Variants in PAN2 observed in about 807,000 individuals in gnomAD.
PAN2 encodes the protein PAN2-PAN3 deadenylation complex catalytic subunit PAN2.
In PAN2, 68 loss-of-function variants were observed where a neutral mutation model predicts 133.3. The observed-to-expected ratio is 0.51, with a 90% CI of 0.42 to 0.62. PAN2 has a LOEUF of 0.62. PAN2 is among the 20% of genes least tolerant of loss of function. PAN2 has a pLI of 0.00. For synonymous variants in PAN2, 462 were observed against 544.6 expected (o/e 0.85, Z 2.11); for missense variants, 1,042 against 1,500.5 (o/e 0.69, Z 5.05).
Position 56,319,263 on chromosome 12 carries a change from G to A in PAN2, c.3270+45C>T, listed in dbSNP as rs1243442414. On this transcript the variant is annotated intron_variant, in intron 23 of 25. Coordinates refer to ENST00000440411, the MANE Select transcript of PAN2 (RefSeq NM_014871.6). This position sits in a 1 kb window ranked among gnomAD's most constrained non-coding sequence, Gnocchi z 5.4. The stretch of plus-strand genomic sequence containing the variant: ...TCTAAAGGCACAATGTATACCCTGA[G>A]GGGCCCACTCTCACAAGAAGACTCT... The A allele has an allele frequency of 1.2e-6, 2 of 1,612,224 alleles. No individual in the cohort carries two copies. Among genetic ancestry groups the A allele is most frequent in the South Asian group, 1.1e-5 (1 of 90,978 alleles).
chr12:56,328,260 T>C lies in PAN2; in HGVS notation c.551A>G (p.Asn184Ser), dbSNP rs768399929. The part of the protein sequence containing the change: ...LQNHIIEIDL[N>S]TVQETQKYAV... ...TACCTTCTGAGTCTCCTGGACAGTG[T>C]TAAGATCAATCTCTATTATGTGATT... The change falls in exon 4 of 26, where the codon AAC becomes AGC. Residue 184 changes from asparagine to serine, a missense_variant. Around this residue, in one of 3 missense-constraint regions of PAN2, gnomAD observed 908 missense variants for 1,223.5 expected, o/e 0.74. Coordinates refer to ENST00000440411, the MANE Select transcript of PAN2 (RefSeq NM_014871.6). 43 of 1,604,416 alleles carry C rather than the reference T, an allele frequency of 2.7e-5. No individual in the cohort carries two copies. The highest frequency in any genetic ancestry group is 3.6e-5 in the Non-Finnish European group (42 of 1,175,002).
intron 2 of PAN2, among the ~76,000 whole-genome samples, chr12:56,330,353 C>A: frequency 1.1e-5 from 1 of 92,646 alleles, no homozygotes; most frequent in African/African-American, 4.3e-5. Context: ...CTGTATTTTT[C>A]TTTTTTTTTT....
In PAN2 at chr12:56,328,617, G is replaced by C. The variant is rs1304312959; in HGVS notation, c.307C>G (p.Pro103Ala). The C allele has an allele frequency of 6.2e-7, 1 of 1,613,758 alleles. No homozygotes were observed. Among genetic ancestry groups the C allele is most frequent in the Non-Finnish European group, 8.5e-7 (1 of 1,179,926 alleles). ...HGGHATSFFG[P>A]ALERYSSFQV... ...AAGGATGAGTAGCGCTCCAAGGCTG[G>C]GCCAAAAAATGAAGTGGCATGGCCC... The change falls in exon 3 of 26, where the codon CCA becomes GCA. Residue 103 changes from proline (P) to alanine (A), a missense_variant. Coordinates refer to ENST00000440411, the MANE Select transcript of PAN2 (RefSeq NM_014871.6).
intron 13 of PAN2, 60 bp downstream of exon 13, chr12:56,323,989 A>G (rs1356295722): frequency 6.2e-7 from 1 of 1,611,112 alleles, no homozygotes; most frequent in Admixed American, 1.7e-5. Flanking sequence ...TCTCCCTGAT[A>G]TTACAGGACA....
At chr12:56,328,927 C>T (rs1393366107) in intron 2 of PAN2, among the ~76,000 whole-genome samples, 1 of 152,234 alleles carries the variant, frequency 6.6e-6, no homozygotes, top group East Asian at 1.9e-4. Context: ...TTGGTTAGAA[C>T]AGTATATAGA....
At chr12:56,318,168 C>G in intron 25 of PAN2, 69 bp downstream of exon 25, 1 of 1,313,392 alleles carries the variant, frequency 7.6e-7, no homozygotes, top group East Asian at 2.3e-5. Context: ...CAGAGTGAGA[C>G]CCTGTCACAA....
chr12:56,330,344 T>C (rs1393246014), intron 2 of PAN2, among the ~76,000 whole-genome samples: 4 of 146,430 alleles, frequency 2.7e-5, no homozygotes, highest in Non-Finnish European at 6.0e-5. Context: ...CTTACTCAAC[T>C]GTATTTTTCT....
chr12:56,322,578 T>C, intron 18 of PAN2, 37 bp downstream of exon 18: 8 of 1,613,682 alleles, frequency 5.0e-6, no homozygotes, highest in Non-Finnish European at 6.8e-6. Flanking sequence ...ACTGTGGCCA[T>C]CCCAGGAGTG....
Position 56,327,509 on chromosome 12 carries a change from G to C in PAN2, c.774C>G (p.Leu258=), listed in dbSNP as rs762512803. 1 of 1,614,232 alleles carries C rather than the reference G, an allele frequency of 6.2e-7. No homozygotes were observed. Among genetic ancestry groups the C allele is most frequent in the African/African-American group, 1.3e-5 (1 of 75,048 alleles). ...GGAAACGGTCGCAGGCCAGGCCAGT[G>C]AGGCGGCTGGAGAAGCCACAGGCAG... ...LLAACGFSSR[L]TGLACDRFLK... The change falls in exon 6 of 26, where the codon CTC becomes CTG. Residue 258 remains leucine (L), a synonymous_variant. Transcript: ENST00000440411.
At chr12:56,332,754 TAAGACCAGATA>T (rs1278071784) in intron 2 of PAN2, 48 bp downstream of exon 2, 1 of 1,561,846 alleles carries the variant, frequency 6.4e-7, no homozygotes, top group Non-Finnish European at 8.8e-7. Context: ...TTCCTTGGGT[TAAGACCAGATA>T]AAGACCTTCA....
Position 56,333,188 on chromosome 12 carries a change from G to T in PAN2, c.-94C>A. 1 of 1,314,466 alleles carries T rather than the reference G, an allele frequency of 7.6e-7. No individual in the cohort carries two copies. The allele number at this position is 1,314,466 out of a possible 1,614,324, so 81.4% of individuals were successfully genotyped here. A position where few individuals can be genotyped will look rare whatever the true frequency, so the allele number is the denominator to read the frequency against. On this transcript the variant is annotated 5_prime_UTR_variant, in exon 2 of 26. Transcript: ENST00000440411. Reference sequence around the variant, plus strand: ...ACCTTCAGCAAGACAGCACCGATGGGCCTAGAATGGACATCCTGGCCTGTA... The same window carrying T: ...ACCTTCAGCAAGACAGCACCGATGGTCCTAGAATGGACATCCTGGCCTGTA...
chr12:56,319,852 G>A lies in PAN2; in HGVS notation c.2946+12C>T. The A allele has an allele frequency of 6.2e-7, 1 of 1,614,082 alleles. No individual in the cohort carries two copies. Among genetic ancestry groups the A allele is most frequent in the South Asian group, 1.1e-5 (1 of 91,066 alleles). On this transcript the variant is annotated intron_variant, in intron 21 of 25. Transcript: ENST00000440411. This position sits in a 1 kb window ranked among gnomAD's most constrained non-coding sequence, Gnocchi z 5.4. Reference sequence around the variant, plus strand: ...TTCTCTTCCAATGCCCCATCCCTTTGGTCTTGGTTACCTCATTAAGGGTGA... The same window carrying A: ...TTCTCTTCCAATGCCCCATCCCTTTAGTCTTGGTTACCTCATTAAGGGTGA...
In PAN2 at chr12:56,324,089, T is replaced by A; in HGVS notation, c.2025A>T (p.Arg675=). The change falls in exon 13 of 26, where the codon CGA becomes CGT. Residue 675 remains arginine (R), a synonymous_variant. Coordinates refer to ENST00000440411, the MANE Select transcript of PAN2 (RefSeq NM_014871.6). ...SLCRCGSETV[R]ASSTLLFTLS... The stretch of plus-strand genomic sequence containing the variant: ...GTGTGAAAAGCAGAGTGGATGAGGC[T>A]CGCACGGTCTCACTGCCACAGCGGC... 1 of 1,614,132 alleles carries A rather than the reference T, an allele frequency of 6.2e-7. No individual in the cohort carries two copies. Among genetic ancestry groups the A allele is most frequent in the Non-Finnish European group, 8.5e-7 (1 of 1,180,024 alleles).
rs61754169 is a variant in PAN2, at chr12:56,319,972, T to C, written c.2838A>G (p.Ala946=). Residue 946 remains alanine (A), a synonymous_variant, in exon 21 of 26, where the codon GCA becomes GCG. Transcript: ENST00000440411. The surrounding 1 kb of genome is among the most constrained non-coding windows in gnomAD (Gnocchi z 5.4). ...TAGTATGTGTTTTCCGCTGCTTCCGTGCCAGCGAGGCTTCAGCCAGCAAGA... is the reference window on the plus strand; with the variant it reads ...TAGTATGTGTTTTCCGCTGCTTCCGCGCCAGCGAGGCTTCAGCCAGCAAGA... ...ASVLLAEASL[A]RKQRKTHTTF... The C allele has an allele frequency of 4.4e-3, 7,082 of 1,614,162 alleles. 29 individuals are homozygous for C. Among genetic ancestry groups the C allele is most frequent in the Middle Eastern group, 0.014 (82 of 6,062 alleles).
In PAN2 at chr12:56,317,227, T is replaced by A. The variant is rs1874025559; in HGVS notation, c.*382A>T. The A allele has an allele frequency of 1.5e-5, 3 of 203,940 alleles. No individual in the cohort carries two copies. In the South Asian group the frequency reaches 2.7e-4, roughly 19 times the overall value. The allele number at this position is 203,940 out of a possible 1,614,324, so 12.6% of individuals were successfully genotyped here. A position where few individuals can be genotyped will look rare whatever the true frequency, so the allele number is the denominator to read the frequency against. ...TGACTTGTGCTAAGTCTTGAACTAC[T>A]GTGGTATCCTCTGTCACTGTCCAGG... On this transcript the variant is annotated 3_prime_UTR_variant, in exon 26 of 26. Transcript: ENST00000440411.
intron 20 of PAN2, 32 bp from the exon 21 acceptor site, chr12:56,320,053 TG>T: frequency 6.2e-7 from 1 of 1,611,960 alleles, no homozygotes; most frequent in East Asian, 2.2e-5. Flanking sequence ...ACACAGGGCT[TG>T]GATAGGGAAG....
In PAN2 at chr12:56,322,161, G is replaced by A. The variant is rs777618846; in HGVS notation, c.2705C>T (p.Ala902Val). The change falls in exon 20 of 26, where the codon GCT (alanine) becomes GTT (valine). Residue 902 changes from alanine to valine, a missense_variant. Physicochemically the swap from Ala to Val is moderately conservative, Grantham distance 64. Around this residue, in one of 3 missense-constraint regions of PAN2, gnomAD observed 908 missense variants for 1,223.5 expected, o/e 0.74. Coordinates refer to ENST00000440411, the MANE Select transcript of PAN2 (RefSeq NM_014871.6). ...TTTCCAATTCATGTCAAACTGCACA[G>A]CTTCATGCTATAGAAGAGAAAAAGC... Reference protein sequence around the residue: ...FLIEPIDKHEAVQFDMNWKVP... With the variant: ...FLIEPIDKHEVVQFDMNWKVP... 3.3e-5 allele frequency: 53 copies of A among 1,594,168 alleles called. No individual in the cohort carries two copies. The highest frequency in any genetic ancestry group is 4.3e-5 in the Non-Finnish European group (50 of 1,162,196).
chr12:56,328,052 T>C lies in PAN2; in HGVS notation c.594A>G (p.Gly198=). The change falls in exon 5 of 26, where the codon GGA becomes GGG. Residue 198 remains glycine, a synonymous_variant. Transcript: ENST00000440411. ...GATTTGTCTGTCTCATGATGGTGAC[T>C]CCAGGCGTCTCTACTGCATACTGGA... ...ETQKYAVETP[G]VTIMRQTNRF... 1 of 1,613,924 alleles carries C rather than the reference T, an allele frequency of 6.2e-7. No homozygotes were observed. Among genetic ancestry groups the C allele is most frequent in the Admixed American group, 1.7e-5 (1 of 60,016 alleles).
Position 56,319,245 on chromosome 12 carries a change from G to A in PAN2, c.3270+63C>T, listed in dbSNP as rs1874229785. ...ACCTATAATTCCCCATTCTCTAAAG[G>A]CACAATGTATACCCTGAGGGGCCCA... On this transcript the variant is annotated intron_variant, in intron 23 of 25. Transcript: ENST00000440411. This position sits in a 1 kb window ranked among gnomAD's most constrained non-coding sequence, Gnocchi z 5.4. The A allele has an allele frequency of 1.2e-6, 2 of 1,613,458 alleles. No individual in the cohort carries two copies. Among genetic ancestry groups the A allele is most frequent in the South Asian group, 2.2e-5 (2 of 91,054 alleles).
Sources: gnomAD v4.1 joint callset for allele counts (sites outside exome capture counted in the v4.1 genomes callset) on GRCh38, gnomAD v4.1.1 for gene constraint, gnomAD v4.1.1 regional missense constraint, Gnocchi (gnomAD v3.1) non-coding constraint, MANE v1.5 for transcripts, NCBI Gene and HGNC (gene_info 2026-07-23, HGNC 2026-07-21) for gene names.